SLC22A9: variants seen among roughly 807,000 people sequenced by gnomAD.
SLC22A9 encodes the protein organic anion transporter 7.
SLC22A9 carries 64 observed loss-of-function variants against 50.1 expected under a neutral mutation model. The observed-to-expected ratio is 1.28, with a 90% CI of 1.04 to 1.57. The LOEUF is 1.57. SLC22A9 is among the 40% of genes most tolerant of loss of function. SLC22A9 has a pLI of 0.00. For synonymous variants in SLC22A9, 261 were observed against 242.5 expected (o/e 1.08, Z -0.71); for missense variants, 757 against 676.1 (o/e 1.12, Z -1.33).
rs747507003 is a variant in SLC22A9, at chr11:63,370,392, C to T, written c.336C>T (p.Asp112=). 6.2e-7 allele frequency: 1 copy of T among 1,613,340 alleles called. No individual in the cohort carries two copies. The highest frequency in any genetic ancestry group is 8.5e-7 in the Non-Finnish European group (1 of 1,179,512). ...NGTFPNTSDA[D]MEPCVDGWVY... is the part of the protein sequence containing the mutation. The stretch of plus-strand genomic sequence containing the variant: ...CCTTCCCCAACACAAGTGACGCAGA[C>T]ATGGAGCCCTGTGTGGATGGCTGGG... Residue 112 remains aspartate (D), a synonymous_variant, in exon 1 of 10, where the codon GAC becomes GAT. Coordinates refer to ENST00000279178, the MANE Select transcript of SLC22A9 (RefSeq NM_080866.3).
chr11:63,382,436 T>C (rs1372864506), intron 6 of SLC22A9, among the ~76,000 whole-genome samples, 159 bp downstream of exon 6: 10 of 152,220 alleles, frequency 6.6e-5, no homozygotes. Flanking sequence ...AAAAGAGTTG[T>C]GAAAAGACTG....
intron 5 of SLC22A9, among the ~76,000 whole-genome samples, chr11:63,381,264 T>A (rs4963405): frequency 6.6e-6 from 1 of 151,838 alleles, no homozygotes. Context: ...CCAGATCACA[T>A]ATAACCCAGA....
rs1009903793 is a variant in SLC22A9, at chr11:63,401,382, GA to G, written c.1074-5112del. On this transcript the variant is annotated intron_variant, in intron 6 of 9. Transcript: ENST00000279178. ...AACAGCAATCTGAAAAGGAAATTAAGAAAGCAATCTCATTTGCAATTCGTTA... is the reference window on the plus strand; with the variant it reads ...AACAGCAATCTGAAAAGGAAATTAAGAAGCAATCTCATTTGCAATTCGTTA... Among the ~76,000 whole-genome samples, 8 of 152,062 alleles carry G rather than the reference GA, an allele frequency of 5.3e-5. No homozygotes were observed. The South Asian group carries it at 1.5e-3, about 28-fold the overall frequency.
chr11:63,384,207 C>T (rs946273040), intron 6 of SLC22A9, among the ~76,000 whole-genome samples: 1 of 152,088 alleles, frequency 6.6e-6, no homozygotes, highest in African/African-American at 2.4e-5. Context: ...AAACATGTTC[C>T]ATGGTGATTT....
intron 6 of SLC22A9, among the ~76,000 whole-genome samples, chr11:63,384,421 C>G (rs971411144): frequency 2.0e-5 from 3 of 152,246 alleles, no homozygotes; most frequent in South Asian, 2.1e-4. Context: ...CATTAGTTTG[C>G]TGAGGATAAT....
intron 6 of SLC22A9, among the ~76,000 whole-genome samples, chr11:63,405,308 T>C (rs1237745536): frequency 6.6e-6 from 1 of 152,144 alleles, no homozygotes; most frequent in Non-Finnish European, 1.5e-5. Flanking sequence ...CTCTGGCTTC[T>C]GGTTTGAGCA....
intron 6 of SLC22A9, among the ~76,000 whole-genome samples, chr11:63,405,934 C>T (rs945432907): frequency 1.3e-5 from 2 of 152,174 alleles, no homozygotes; most frequent in Admixed American, 6.5e-5. Flanking sequence ...TGACCATCAT[C>T]GTCTTACCAT....
At chr11:63,385,937 A>T (rs2014657768) in intron 6 of SLC22A9, among the ~76,000 whole-genome samples, 1 of 152,168 alleles carries the variant, frequency 6.6e-6, no homozygotes. Context: ...GGTCTGTCAT[A>T]AATGGCTCTT....
intron 7 of SLC22A9, among the ~76,000 whole-genome samples, chr11:63,407,800 C>T (rs1335922417): frequency 1.3e-5 from 2 of 152,124 alleles, no homozygotes; most frequent in African/African-American, 4.8e-5. Flanking sequence ...CAGAGGAGTC[C>T]CTGGACGGAA....
At chr11:63,378,378 A>T (rs985834440) in intron 5 of SLC22A9, among the ~76,000 whole-genome samples, 1 of 152,138 alleles carries the variant, frequency 6.6e-6, no homozygotes, top group Non-Finnish European at 1.5e-5. Context: ...CATACCTCAA[A>T]ATAATGAGAG....
chr11:63,409,839 A>C lies in SLC22A9; in HGVS notation c.1639A>C (p.Arg547=), dbSNP rs200664664. 5.6e-5 allele frequency: 91 copies of C among 1,613,694 alleles called. No homozygotes were observed. Among genetic ancestry groups the C allele is most frequent in the Non-Finnish European group, 7.5e-5 (89 of 1,179,830 alleles). The stretch of plus-strand genomic sequence containing the variant: ...CAGAGAACCAAAGCAAGAGGATCCG[A>C]GAGTGGAAGTGACGCAGTTTTAAGG... The part of the protein sequence containing the change: ...DPREPKQEDP[R]VEVTQF Residue 547 remains arginine (R), a synonymous_variant, in exon 10 of 10, where the codon AGA becomes CGA. Transcript: ENST00000279178.
At chr11:63,385,882 G>A (rs1340908612) in intron 6 of SLC22A9, among the ~76,000 whole-genome samples, 2 of 152,130 alleles carry the variant, frequency 1.3e-5, no homozygotes, top group African/African-American at 4.8e-5. Flanking sequence ...AGTTTTCAAG[G>A]GGAATGCTTC....
chr11:63,373,123 C>CT (rs745704793), intron 2 of SLC22A9, among the ~76,000 whole-genome samples: 13,087 of 131,740 alleles, frequency 0.099, 651 homozygotes, highest in Non-Finnish European at 0.13. Flanking sequence ...CTTTTTTTTC[C>CT]TTTTTTTTTT....
chr11:63,399,841 AT>A (rs767949240), intron 6 of SLC22A9, among the ~76,000 whole-genome samples: 5 of 152,156 alleles, frequency 3.3e-5, no homozygotes, highest in Non-Finnish European at 5.9e-5. Flanking sequence ...ATATCAAGTT[AT>A]CTTTTCTGAT....
At chr11:63,409,731 G>A (rs61928015) in intron 9 of SLC22A9, 71 bp from the exon 10 acceptor site, 56,062 of 1,435,020 alleles carry the variant, frequency 0.039, 1,389 homozygotes, top group African/African-American at 0.1. Flanking sequence ...TAAAGAATGC[G>A]GGACTTACAT....
intron 2 of SLC22A9, among the ~76,000 whole-genome samples, chr11:63,372,548 G>A (rs2014381114): frequency 6.6e-6 from 1 of 151,982 alleles, no homozygotes; most frequent in African/African-American, 2.4e-5. Context: ...GTGAGAAAAG[G>A]GAGAAATCTA....
chr11:63,383,742 A>G (rs142786130), intron 6 of SLC22A9, among the ~76,000 whole-genome samples: 32 of 152,326 alleles, frequency 2.1e-4, no homozygotes, highest in Non-Finnish European at 2.9e-4. Context: ...CAATGCACAC[A>G]TAAGTCAAGA....
intron 9 of SLC22A9, 139 bp from the exon 10 acceptor site, chr11:63,409,663 C>T: frequency 1.3e-6 from 1 of 785,834 alleles, no homozygotes; most frequent in Non-Finnish European, 2.0e-6. Context: ...TTTACTCAAT[C>T]CCTTGGGGGC....
At chr11:63,388,413 C>A (rs1156716104) in intron 6 of SLC22A9, among the ~76,000 whole-genome samples, 1 of 150,340 alleles carries the variant, frequency 6.7e-6, no homozygotes, top group Non-Finnish European at 1.5e-5. Flanking sequence ...TATGCTTTTT[C>A]AGCATCAGTG....
Sources: gnomAD v4.1 joint callset for allele counts (sites outside exome capture counted in the v4.1 genomes callset) on GRCh38, gnomAD v4.1.1 for gene constraint, MANE v1.5 for transcripts, NCBI Gene and HGNC (gene_info 2026-07-23, HGNC 2026-07-21) for gene names.